Variants in RAB12 observed in about 807,000 individuals in gnomAD.
The protein encoded by RAB12 is ras-related protein Rab-12.
Under a neutral mutation model 28.4 loss-of-function variants are expected in RAB12, and 11 were observed. The observed-to-expected ratio is 0.39, with a 90% confidence interval of 0.24 to 0.64. The LOEUF (loss-of-function observed/expected upper bound fraction) is 0.64, where lower values mean the gene tolerates loss of function less well. Among genes scored for constraint, RAB12 ranks in the 30% least tolerant of loss-of-function variants. RAB12 has a pLI of 0.50. For synonymous variants in RAB12, 138 were observed against 145.3 expected (o/e 0.95, Z 0.36); for missense variants, 276 against 351.1 (o/e 0.79, Z 1.71).
At chr18:8,613,691 C>T (rs1325450639) in intron 1 of RAB12, among the ~76,000 whole-genome samples, 1 of 152,136 alleles carries the variant, frequency 6.6e-6, no homozygotes, top group Non-Finnish European at 1.5e-5. Flanking sequence ...AACCTACCCC[C>T]GCCCTTGCTC....
intron 2 of RAB12, among the ~76,000 whole-genome samples, chr18:8,632,700 C>A (rs192032819): frequency 3.6e-4 from 55 of 152,184 alleles, no homozygotes; most frequent in African/African-American, 1.3e-3. Flanking sequence ...GTGGGTCATG[C>A]ATGTGTATCA....
chr18:8,625,116 C>A, intron 2 of RAB12, 118 bp downstream of exon 2: 1 of 639,370 alleles, frequency 1.6e-6, no homozygotes, highest in South Asian at 2.6e-5. Context: ...CTCTTTTGCT[C>A]ATTTTAAAAT....
At chr18:8,610,789 C>T (rs1030327877) in intron 1 of RAB12, among the ~76,000 whole-genome samples, 1 of 152,194 alleles carries the variant, frequency 6.6e-6, no homozygotes, top group Non-Finnish European at 1.5e-5. Flanking sequence ...GAACCCCGTT[C>T]TTTAAAATAA....
chr18:8,627,333 AGACT>A (rs1205029005), intron 2 of RAB12, among the ~76,000 whole-genome samples: 1 of 152,218 alleles, frequency 6.6e-6, no homozygotes, highest in Non-Finnish European at 1.5e-5. Context: ...CCGATTTTCT[AGACT>A]GGCATGAAAG....
Position 8,638,934 on chromosome 18 carries a change from C to G in RAB12, c.*672C>G, listed in dbSNP as rs946342095. Reference sequence around the variant, plus strand: ...TATGCTTTTAAGAACTACAAAGATTCAATAAAGAAAGAAATGTTTTTGAAA... The same window carrying G: ...TATGCTTTTAAGAACTACAAAGATTGAATAAAGAAAGAAATGTTTTTGAAA... On this transcript the variant is annotated 3_prime_UTR_variant, in exon 6 of 6. Coordinates refer to ENST00000649141, the MANE Select transcript of RAB12 (RefSeq NM_001025300.3). 1.3e-5 allele frequency: 2 copies of G among 151,996 alleles called. No homozygotes were observed. Among genetic ancestry groups the G allele is most frequent in the Non-Finnish European group, 2.9e-5 (2 of 68,024 alleles). The allele number at this position is 151,996 out of a possible 1,614,324, so 9.4% of individuals were successfully genotyped here.
chr18:8,637,707 A>G (rs997103576), intron 5 of RAB12, among the ~76,000 whole-genome samples: 2 of 152,214 alleles, frequency 1.3e-5, no homozygotes, highest in African/African-American at 4.8e-5. Flanking sequence ...CTTAACGACT[A>G]AAAGCCTATC....
intron 2 of RAB12, among the ~76,000 whole-genome samples, chr18:8,628,473 C>T (rs1234225870): frequency 1.3e-5 from 2 of 152,036 alleles, no homozygotes; most frequent in Non-Finnish European, 2.9e-5. Flanking sequence ...GCTTTTCTAC[C>T]CCCAGCCTTC....
intron 2 of RAB12, among the ~76,000 whole-genome samples, chr18:8,627,120 T>C (rs1326612979): frequency 5.9e-5 from 9 of 152,266 alleles, no homozygotes; most frequent in Non-Finnish European, 1.3e-4. Flanking sequence ...GTAATTTGTA[T>C]TACTGTTTTA....
At chr18:8,627,153 G>T (rs1482612526) in intron 2 of RAB12, among the ~76,000 whole-genome samples, 3 of 152,214 alleles carry the variant, frequency 2.0e-5, no homozygotes, top group African/African-American at 7.2e-5. Flanking sequence ...GCTTCTTTAG[G>T]AGTGAGGCAC....
chr18:8,637,788 TAC>T (rs2096019763), intron 5 of RAB12, among the ~76,000 whole-genome samples: 1 of 152,228 alleles, frequency 6.6e-6, no homozygotes, highest in Non-Finnish European at 1.5e-5. Context: ...ACGTATTTTA[TAC>T]CATGTTCTTA....
chr18:8,622,891 T>A (rs1319286976), intron 1 of RAB12, among the ~76,000 whole-genome samples: 1 of 152,166 alleles, frequency 6.6e-6, no homozygotes, highest in African/African-American at 2.4e-5. Flanking sequence ...AGAAAAAGAA[T>A]TCAGCGATAT....
intron 2 of RAB12, among the ~76,000 whole-genome samples, chr18:8,631,772 C>T (rs1372143289): frequency 6.6e-6 from 1 of 152,062 alleles, no homozygotes; most frequent in African/African-American, 2.4e-5. Context: ...TCTAGAAGGT[C>T]AGCACATTGA....
At chr18:8,625,701 C>T (rs937051789) in intron 2 of RAB12, among the ~76,000 whole-genome samples, 8 of 152,280 alleles carry the variant, frequency 5.3e-5, no homozygotes, top group South Asian at 2.1e-4. Context: ...GGTGGTCTGG[C>T]GGTGGCTTAA....
Position 8,639,192 on chromosome 18 carries a change from T to TTTG in RAB12, c.*930_*931insTTG, listed in dbSNP as rs2096021000. On this transcript the variant is annotated 3_prime_UTR_variant, in exon 6 of 6. Transcript: ENST00000649141. The stretch of plus-strand genomic sequence containing the variant: ...TTTTTTTTTTTTTTTTTTTTTTTTT[T>TTTG]GGTCTGATGATGAATTTGTGAACTC... 7.4e-6 allele frequency: 1 copy of TTTG among 135,188 alleles called. No homozygotes were observed. Among genetic ancestry groups the TTTG allele is most frequent in the Non-Finnish European group, 1.6e-5 (1 of 64,268 alleles). The allele number at this position is 135,188 out of a possible 1,614,324, so 8.4% of individuals were successfully genotyped here. A position where few individuals can be genotyped will look rare whatever the true frequency, so the allele number is the denominator to read the frequency against.
chr18:8,636,278 G>A lies in RAB12; in HGVS notation c.830G>A (p.Arg277Gln), dbSNP rs371288995. 68 of 1,613,284 alleles carry A rather than the reference G, an allele frequency of 4.2e-5. No homozygotes were observed. The highest frequency in any genetic ancestry group is 6.7e-5 in the Admixed American group (4 of 59,998). ...TTTGCACAGCAGATCACTGGGATGC[G>A]GTTCTGTGAAGCAAGTGCCAAGGAT... The part of the protein sequence containing the change: ...EKFAQQITGM[R>Q]FCEASAKDNF... Residue 277 changes from arginine (R) to glutamine (Q), a missense_variant, in exon 5 of 6, where the codon CGG becomes CAG. By Grantham distance (43) the Arg-to-Gln change is conservative. Around this residue, in one of 4 missense-constraint regions of RAB12, gnomAD observed 127 missense variants for 161.4 expected, o/e 0.79. Transcript: ENST00000649141.
chr18:8,630,362 T>A (rs2148710567), intron 2 of RAB12, among the ~76,000 whole-genome samples: 1 of 152,330 alleles, frequency 6.6e-6, no homozygotes, highest in Admixed American at 6.5e-5. Context: ...TTATTATCTA[T>A]AGAAAGCAAT....
chr18:8,632,690 G>A (rs976223071), intron 2 of RAB12, among the ~76,000 whole-genome samples: 18 of 149,932 alleles, frequency 1.2e-4, no homozygotes, highest in Non-Finnish European at 2.5e-4. Context: ...TGAGCGGGGA[G>A]TGGGTCATGC....
At position 8,609,616 on chromosome 18, in the gene RAB12, C is replaced by T. The variant is rs2096002480; in HGVS notation, c.177C>T (p.Pro59=). Residue 59 remains proline, a synonymous_variant, in exon 1 of 6, where the codon CCC becomes CCT. Coordinates refer to ENST00000649141, the MANE Select transcript of RAB12 (RefSeq NM_001025300.3). ...CGCTCCAGCGGGCGGAAGCCGAGCC[C>T]GGGGCCGACCCCCCGCGCGCGGCGG... ...PGPLQRAEAE[P]GADPPRAAEA... 4 of 399,126 alleles carry T rather than the reference C, an allele frequency of 1.0e-5. No individual in the cohort carries two copies. In the South Asian group the frequency reaches 2.9e-4, roughly 29 times the overall value. The allele number at this position is 399,126 out of a possible 1,614,324, so 24.7% of individuals were successfully genotyped here. A position where few individuals can be genotyped will look rare whatever the true frequency, so the allele number is the denominator to read the frequency against.
chr18:8,635,769 T>C, intron 4 of RAB12, 147 bp downstream of exon 4: 1 of 547,502 alleles, frequency 1.8e-6, no homozygotes, highest in Non-Finnish European at 3.1e-6. Context: ...TTGTTTGCAC[T>C]TTTTTGACTT....
Sources: allele counts gnomAD v4.1 joint callset (sites outside exome capture counted in the v4.1 genomes callset), GRCh38; gene constraint gnomAD v4.1.1; regional missense constraint gnomAD v4.1.1; transcripts MANE v1.5; gene names NCBI Gene and HGNC (gene_info 2026-07-23, HGNC 2026-07-21).